DMXL1: variants seen among roughly 807,000 people sequenced by gnomAD.
DMXL1 encodes the protein Dmx like 1, also known as dmX-like protein 1.
Under a neutral mutation model 319.2 loss-of-function variants are expected in DMXL1, and 99 were observed. That is an observed-to-expected ratio of 0.31 (90% CI 0.26 to 0.37). The LOEUF is 0.37. Ranked by LOEUF, DMXL1 falls within the 10% of genes least tolerant of loss-of-function variation. The pLI is 1.00. For synonymous variants in DMXL1, 1,385 were observed against 1,235.2 expected, an observed-to-expected ratio of 1.12 and a Z score of -2.54; for missense variants, 3,745 against 3,595.6, an observed-to-expected ratio of 1.04 and a Z score of -1.06.
In DMXL1 at chr5:119,166,597, C is replaced by T. The variant is rs369056135; in HGVS notation, c.4971-19C>T. The T allele has an allele frequency of 2.9e-5, 46 of 1,570,980 alleles. No individual in the cohort carries two copies. Among genetic ancestry groups the T allele is most frequent in the Non-Finnish European group, 3.9e-5 (45 of 1,167,378 alleles). ...AAATTGTATTCCAAAATTTTCACAC[C>T]ATTTTTTTTCCTTTATAGAGCTGAA... On this transcript the variant is annotated intron_variant, in intron 21 of 43. Coordinates refer to ENST00000539542, the MANE Select transcript of DMXL1 (RefSeq NM_001290321.3).
chr5:119,173,776 G>GTGTATATATATATATATATATA lies in DMXL1; in HGVS notation c.6682-1484_6682-1483insGTATATATATATATATATATAT. ...TGTGTATATATATATATGTGTGTGTGTATATATATATATATATATATAATG... is the reference window on the plus strand; with the variant it reads ...TGTGTATATATATATATGTGTGTGTGTGTATATATATATATATATATATATATATATATATATATATATAATG... On this transcript the variant is annotated intron_variant, in intron 25 of 43. Coordinates refer to ENST00000539542, the MANE Select transcript of DMXL1 (RefSeq NM_001290321.3). Among the ~76,000 whole-genome samples the GTGTATATATATATATATATATA allele has an allele frequency of 6.9e-3, 464 of 67,104 alleles. 27 individuals are homozygous for GTGTATATATATATATATATATA. Among genetic ancestry groups the GTGTATATATATATATATATATA allele is most frequent in the African/African-American group, 9.9e-3 (178 of 17,992 alleles). 44.0% of individuals were successfully genotyped at this position (67,104 alleles called of 152,430 possible). A position where few individuals can be genotyped will look rare whatever the true frequency, so the allele number is the denominator to read the frequency against.
chr5:119,121,822 C>T (rs1580824420), intron 9 of DMXL1, among the ~76,000 whole-genome samples: 1 of 152,048 alleles, frequency 6.6e-6, no homozygotes, highest in Non-Finnish European at 1.5e-5. Context: ...GGGTGGTGGC[C>T]GGGCAGAGGG....
intron 9 of DMXL1, among the ~76,000 whole-genome samples, chr5:119,121,758 G>A (rs1177337723): frequency 6.6e-6 from 1 of 152,160 alleles, no homozygotes; most frequent in Non-Finnish European, 1.5e-5. Context: ...CCACAAAACC[G>A]CCATTGTCAT....
intron 3 of DMXL1, among the ~76,000 whole-genome samples, chr5:119,103,399 T>C (rs1187662321): frequency 6.6e-6 from 1 of 152,214 alleles, no homozygotes; most frequent in Non-Finnish European, 1.5e-5. Context: ...ACTTCAAACC[T>C]AGTTTGTGCA....
chr5:119,172,083 G>T (rs1350421967), intron 25 of DMXL1, 114 bp downstream of exon 25: 24 of 930,136 alleles, frequency 2.6e-5, no homozygotes, highest in Non-Finnish European at 3.6e-5. Flanking sequence ...CATAGCAATT[G>T]TTACATTGCC....
At chr5:119,145,767 A>G (rs1221319387) in intron 15 of DMXL1, among the ~76,000 whole-genome samples, 1 of 151,720 alleles carries the variant, frequency 6.6e-6, no homozygotes, top group Non-Finnish European at 1.5e-5. Context: ...GGAAATTTTT[A>G]CTTTTACCCA....
chr5:119,142,044 G>C (rs1029813757), intron 13 of DMXL1, among the ~76,000 whole-genome samples: 1 of 152,080 alleles, frequency 6.6e-6, no homozygotes, highest in Non-Finnish European at 1.5e-5. Flanking sequence ...GATGCTGGCA[G>C]AATTGGCTAG....
rs367905216 is a variant in DMXL1 at position 119,121,090 on chromosome 5, C to T, written c.1053C>T (p.Ala351=). The part of the protein sequence containing the change: ...HHVHRNTPLH[A]NALCHFHIAA... Reference sequence around the variant, plus strand: ...TTCACAGGAACACTCCACTGCATGCCAATGCACTTTGCCACTTTCATATTG... The same window carrying T: ...TTCACAGGAACACTCCACTGCATGCTAATGCACTTTGCCACTTTCATATTG... The change falls in exon 9 of 44, where the codon GCC becomes GCT. Residue 351 remains alanine (A), a synonymous_variant. Coordinates refer to ENST00000539542, the MANE Select transcript of DMXL1 (RefSeq NM_001290321.3). 2.5e-6 allele frequency: 4 copies of T among 1,610,574 alleles called. No individual in the cohort carries two copies. Among genetic ancestry groups the T allele is most frequent in the Non-Finnish European group, 3.4e-6 (4 of 1,178,996 alleles).
chr5:119,239,204 A>G, intron 41 of DMXL1, 124 bp downstream of exon 41: 3 of 1,058,020 alleles, frequency 2.8e-6, no homozygotes, highest in Middle Eastern at 2.9e-4. Flanking sequence ...TATTCTAAAA[A>G]CTATTATTTA....
intron 28 of DMXL1, among the ~76,000 whole-genome samples, chr5:119,187,013 A>G (rs1006128061): frequency 1.3e-5 from 2 of 152,204 alleles, no homozygotes. Context: ...AACATGGCAC[A>G]TGTATACTTA....
At chr5:119,113,843 T>A (rs544742080) in intron 5 of DMXL1, among the ~76,000 whole-genome samples, 1 of 152,330 alleles carries the variant, frequency 6.6e-6, no homozygotes, top group South Asian at 2.1e-4. Flanking sequence ...GATATCTTTA[T>A]AAATAAATTT....
intron 32 of DMXL1, among the ~76,000 whole-genome samples, chr5:119,202,206 G>A (rs1050381657): frequency 2.0e-5 from 3 of 152,088 alleles, no homozygotes; most frequent in Admixed American, 6.6e-5. Flanking sequence ...TGGACATTTA[G>A]TGCTGTGAAT....
In DMXL1 at chr5:119,161,418, G is replaced by A. The variant is rs539156729; in HGVS notation, c.4703-3089G>A. The stretch of plus-strand genomic sequence containing the variant: ...TTGGGCAGGGTTGCAGGCTGGCCCC[G>A]AGGTTAGGCAGAGTTGTTACTCCAG... On this transcript the variant is annotated intron_variant, in intron 19 of 43. Coordinates refer to ENST00000539542, the MANE Select transcript of DMXL1 (RefSeq NM_001290321.3). Among the ~76,000 whole-genome samples the A allele has an allele frequency of 4.6e-5, 7 of 152,322 alleles. No homozygotes were observed. In the South Asian group the frequency reaches 6.2e-4, roughly 14 times the overall value.
intron 1 of DMXL1, chr5:119,081,631 A>C: frequency 1.0e-6 from 1 of 984,812 alleles, no homozygotes; most frequent in Non-Finnish European, 1.2e-6. Context: ...AGTTAATGTG[A>C]AGAAGATATA....
intron 32 of DMXL1, among the ~76,000 whole-genome samples, chr5:119,200,465 TG>T (rs1780495231): frequency 1.3e-5 from 2 of 152,184 alleles, no homozygotes; most frequent in South Asian, 4.1e-4. Context: ...TGTTCTGTTT[TG>T]GTTACTGTGT....
chr5:119,198,904 G>A (rs527420153), intron 32 of DMXL1, among the ~76,000 whole-genome samples: 39 of 151,842 alleles, frequency 2.6e-4, no homozygotes, highest in South Asian at 6.3e-4. Context: ...TTCCTTTTTT[G>A]GAGACAAAGT....
intron 9 of DMXL1, 100 bp from the exon 10 acceptor site, chr5:119,129,111 C>G (rs79489284): frequency 1.3e-6 from 1 of 752,908 alleles, no homozygotes; most frequent in Non-Finnish European, 2.1e-6. Flanking sequence ...GACTTTCAGG[C>G]AAACAAAATA....
Position 119,121,536 on chromosome 5 carries a change from G to A in DMXL1, c.1102+397G>A, listed in dbSNP as rs574491676. 6.7e-4 allele frequency among the ~76,000 whole-genome samples: 102 copies of A among 152,012 alleles called. 1 individual carries two copies. In the East Asian group the frequency reaches 0.018, roughly 26 times the overall value. ...TGTTTAACAAAGCACATCTTGCACC[G>A]CCCTTAATCCATTTAACCCTGAGTG... On this transcript the variant is annotated intron_variant, in intron 9 of 43. Transcript: ENST00000539542.
intron 28 of DMXL1, 188 bp downstream of exon 28, chr5:119,178,432 A>G (rs1776224165): frequency 2.8e-6 from 1 of 354,792 alleles, no homozygotes; most frequent in South Asian, 1.2e-4. Flanking sequence ...AATCTTTAAG[A>G]TATTCCTGTA....
Sources: allele counts gnomAD v4.1 joint callset (sites outside exome capture counted in the v4.1 genomes callset), GRCh38; gene constraint gnomAD v4.1.1; transcripts MANE v1.5; gene names NCBI Gene and HGNC (gene_info 2026-07-23, HGNC 2026-07-21).